The following MAF variants were observed in gnomAD, a reference collection of about 807,000 sequenced individuals.
MAF encodes MAF bZIP transcription factor.
Under a neutral mutation model 22.0 loss-of-function variants are expected in MAF, and 10 were observed. The ratio of observed to expected loss-of-function variants is 0.45; its 90% CI spans 0.28 to 0.77. MAF has a LOEUF of 0.77. Ranked by LOEUF, MAF falls within the 30% of genes least tolerant of loss-of-function variation. MAF has a pLI of 0.12. For missense variants in MAF, 544 were observed against 548.4 expected (o/e 0.99, Z 0.08); for synonymous variants, 337 against 255.8 (o/e 1.32, Z -3.03).
At chr16:79,213,634 C>T in the MAF span, among the ~76,000 whole-genome samples, 98 of 152,286 alleles carry the variant, frequency 6.4e-4, no homozygotes, top group South Asian at 0.019. Flanking sequence ...GGCTCCTGGG[C>T]TAGCCTGCTG....
At chr16:79,379,480 G>T in the MAF span, among the ~76,000 whole-genome samples, 1 of 148,116 alleles carries the variant, frequency 6.8e-6, no homozygotes, top group Non-Finnish European at 1.5e-5. Context: ...GAAGTAGTAC[G>T]GCTCTTGATC....
the MAF span, among the ~76,000 whole-genome samples, chr16:79,214,703 C>CTTTTT: frequency 2.1e-4 from 9 of 43,076 alleles, 2 homozygotes; most frequent in African/African-American, 3.9e-4. Context: ...CTGTGCCTGG[C>CTTTTT]TTTTTTTTTT....
the MAF span, among the ~76,000 whole-genome samples, chr16:79,391,887 G>GAGA: frequency 6.9e-6 from 1 of 145,464 alleles, no homozygotes; most frequent in African/African-American, 2.5e-5. Context: ...GGAGGAGGAG[G>GAGA]AGGAGGAGGA....
chr16:79,364,329 A>T, the MAF span, among the ~76,000 whole-genome samples: 1 of 152,196 alleles, frequency 6.6e-6, no homozygotes, highest in Non-Finnish European at 1.5e-5. Flanking sequence ...AAATTAAAGT[A>T]GCAGCTCCTA....
the MAF span, among the ~76,000 whole-genome samples, chr16:79,571,554 T>TTTTC: frequency 4.2e-4 from 59 of 139,876 alleles, 2 homozygotes; most frequent in Non-Finnish European, 4.5e-4. Flanking sequence ...TTTTTTTTTT[T>TTTTC]ACAAATGCAC....
the MAF span, among the ~76,000 whole-genome samples, chr16:79,438,617 A>G: frequency 1.3e-5 from 2 of 151,956 alleles, no homozygotes; most frequent in East Asian, 3.9e-4. Flanking sequence ...CAGAGGAGGG[A>G]AGGGGGCGGA....
intron 1 of MAF, 153 bp downstream of exon 1, chr16:79,598,632 T>G: frequency 6.7e-7 from 1 of 1,497,524 alleles, no homozygotes; most frequent in Non-Finnish European, 8.8e-7. Context: ...CGGGTTTGTG[T>G]GTGTGTAGGG....
chr16:79,306,243 T>C, the MAF span, among the ~76,000 whole-genome samples: 1 of 152,208 alleles, frequency 6.6e-6, no homozygotes, highest in African/African-American at 2.4e-5. Context: ...TTGTCCTGTC[T>C]TGTAATCCTG....
At chr16:79,457,414 T>C in the MAF span, among the ~76,000 whole-genome samples, 1 of 146,754 alleles carries the variant, frequency 6.8e-6, no homozygotes, top group African/African-American at 2.5e-5. Context: ...TTGAGCATGA[T>C]CCCATTCGGA....
chr16:79,455,406 T>A, the MAF span, among the ~76,000 whole-genome samples: 26 of 152,264 alleles, frequency 1.7e-4, no homozygotes, highest in South Asian at 4.8e-3. Context: ...CTGAAACATG[T>A]CCCCAGCCCT....
chr16:79,319,485 C>T, the MAF span, among the ~76,000 whole-genome samples: 1 of 152,144 alleles, frequency 6.6e-6, no homozygotes, highest in Admixed American at 6.5e-5. Context: ...GTCCCCTTCC[C>T]CAAGCACAAC....
chr16:79,372,941 G>A, the MAF span, among the ~76,000 whole-genome samples: 1 of 152,102 alleles, frequency 6.6e-6, no homozygotes. Flanking sequence ...AATGCCCTTT[G>A]TTATCTCCTA....
At chr16:79,231,631 G>C in the MAF span, among the ~76,000 whole-genome samples, 1 of 151,984 alleles carries the variant, frequency 6.6e-6, no homozygotes, top group Non-Finnish European at 1.5e-5. Context: ...GCAAAAAGAA[G>C]AAAGCAGGAA....
the MAF span, among the ~76,000 whole-genome samples, chr16:79,377,231 T>C: frequency 6.6e-6 from 1 of 152,208 alleles, no homozygotes; most frequent in African/African-American, 2.4e-5. Flanking sequence ...TGGTGTGAGA[T>C]GGTATCTCAT....
chr16:79,263,776 G>A, the MAF span, among the ~76,000 whole-genome samples: 4 of 152,172 alleles, frequency 2.6e-5, no homozygotes, highest in African/African-American at 9.7e-5. Context: ...CCACTTTTGT[G>A]ACTGGTCTTC....
At chr16:79,206,625 G>A in the MAF span, 1 of 152,202 alleles carries the variant, frequency 6.6e-6, no homozygotes, top group Non-Finnish European at 1.5e-5. Flanking sequence ...GAAAAAGCCG[G>A]GCAGTTTGCA....
chr16:79,265,897 C>G, the MAF span, among the ~76,000 whole-genome samples: 42 of 152,324 alleles, frequency 2.8e-4, no homozygotes, highest in Non-Finnish European at 5.6e-4. Flanking sequence ...GAGCTGATGA[C>G]TGAGATGGCT....
At chr16:79,282,454 A>G in the MAF span, among the ~76,000 whole-genome samples, 2 of 152,182 alleles carry the variant, frequency 1.3e-5, no homozygotes, top group Non-Finnish European at 2.9e-5. Context: ...AAAGGAAAAT[A>G]TTAATGGTGT....
At chr16:79,522,583 GT>G in the MAF span, among the ~76,000 whole-genome samples, 2 of 152,188 alleles carry the variant, frequency 1.3e-5, no homozygotes, top group Admixed American at 1.3e-4. Context: ...CTCTTTGGGA[GT>G]TTACACTCAA....
Sources: allele counts gnomAD v4.1 joint callset (sites outside exome capture counted in the v4.1 genomes callset), GRCh38; gene constraint gnomAD v4.1.1; transcripts MANE v1.5; gene names NCBI Gene and HGNC (gene_info 2026-07-23, HGNC 2026-07-21).